The following DGKB variants were observed in gnomAD, a reference collection of about 807,000 sequenced individuals.
DGKB encodes 90 kDa diacylglycerol kinase.
Under a neutral mutation model 114.3 loss-of-function variants are expected in DGKB, and 67 were observed. The ratio of observed to expected loss-of-function variants is 0.59; its 90% confidence interval spans 0.48 to 0.72. The LOEUF (loss-of-function observed/expected upper bound fraction) is 0.72. Among genes scored for constraint, DGKB ranks in the 30% least tolerant of loss-of-function variants. DGKB has a pLI of 0.00. For missense variants in DGKB, 907 were observed against 975.2 expected (o/e 0.93, Z 0.93); for synonymous variants, 398 against 323.1 (o/e 1.23, Z -2.49).
chr7:14,663,036 G>C (rs1817438256), intron 13 of DGKB, among the ~76,000 whole-genome samples: 1 of 151,920 alleles, frequency 6.6e-6, no homozygotes, highest in African/African-American at 2.4e-5. Context: ...TAACTCATTT[G>C]ATTTTATTTA....
chr7:14,907,718 T>C (rs553014515), upstream of DGKB, among the ~76,000 whole-genome samples: 6 of 152,332 alleles, frequency 3.9e-5, no homozygotes, highest in African/African-American at 7.2e-5. Flanking sequence ...AGAATCTGAA[T>C]GATTCTTAGG....
chr7:14,842,366 T>C (rs545123215), intron 1 of DGKB, among the ~76,000 whole-genome samples: 1 of 152,324 alleles, frequency 6.6e-6, no homozygotes, highest in East Asian at 1.9e-4. Context: ...CCTGTCATCC[T>C]TGTCTTTAAA....
intron 20 of DGKB, among the ~76,000 whole-genome samples, chr7:14,551,787 T>G (rs1304108257): frequency 6.6e-6 from 1 of 152,176 alleles, no homozygotes; most frequent in Admixed American, 6.5e-5. Flanking sequence ...ACTGTTATAC[T>G]CAGTAAGAAA....
intron 23 of DGKB, among the ~76,000 whole-genome samples, chr7:14,275,155 C>A (rs1240650960): frequency 1.3e-5 from 2 of 152,120 alleles, no homozygotes; most frequent in African/African-American, 4.8e-5. Flanking sequence ...CTTGAATATA[C>A]TTAAGTTCTA....
intron 1 of DGKB, among the ~76,000 whole-genome samples, chr7:14,962,883 T>G (rs1358156276): frequency 6.6e-6 from 1 of 152,252 alleles, no homozygotes; most frequent in African/African-American, 2.4e-5. Flanking sequence ...AAAAATGAGC[T>G]TAGGCAAGAT....
intron 1 of DGKB, among the ~76,000 whole-genome samples, chr7:14,847,278 G>A (rs1461800503): frequency 7.7e-6 from 1 of 129,702 alleles, no homozygotes; most frequent in Non-Finnish European, 1.6e-5. Flanking sequence ...GCGACAGAGC[G>A]AGACTCCGTC....
chr7:14,515,682 C>T (rs1028514184), intron 20 of DGKB, among the ~76,000 whole-genome samples: 3 of 152,160 alleles, frequency 2.0e-5, no homozygotes, highest in African/African-American at 7.2e-5. Context: ...ACAAACTCAA[C>T]CTTCTGTCTT....
intron 13 of DGKB, among the ~76,000 whole-genome samples, chr7:14,651,480 G>C (rs1283940563): frequency 1.4e-5 from 2 of 145,194 alleles, no homozygotes; most frequent in Non-Finnish European, 3.0e-5. Flanking sequence ...AATAAATTAG[G>C]TATTGATGGG....
chr7:14,970,153 TATTTC>T (rs1317951188), intron 1 of DGKB, among the ~76,000 whole-genome samples: 1 of 152,196 alleles, frequency 6.6e-6, no homozygotes, highest in African/African-American at 2.4e-5. Context: ...AATCATTCAT[TATTTC>T]ATTTGCTGAA....
intron 1 of DGKB, among the ~76,000 whole-genome samples, chr7:14,896,557 T>C (rs190044820): frequency 1.3e-5 from 2 of 151,842 alleles, no homozygotes; most frequent in Admixed American, 1.3e-4. Context: ...ACTTTTTCTC[T>C]GAGACAATAT....
At chr7:14,497,994 T>C (rs1785551314) in intron 20 of DGKB, among the ~76,000 whole-genome samples, 1 of 151,932 alleles carries the variant, frequency 6.6e-6, no homozygotes, top group Non-Finnish European at 1.5e-5. Flanking sequence ...GCATTTAATA[T>C]ATTCTTATTT....
chr7:14,402,599 T>C (rs1823312322), intron 21 of DGKB, among the ~76,000 whole-genome samples: 1 of 151,888 alleles, frequency 6.6e-6, no homozygotes, highest in Non-Finnish European at 1.5e-5. Context: ...TATGTAAAAA[T>C]AGCTATCAAA....
rs565449422 is a variant in DGKB, at chr7:14,404,365, T to A, written c.1836-58974A>T. Among the ~76,000 whole-genome samples the A allele has an allele frequency of 4.6e-5, 7 of 151,972 alleles. No individual in the cohort carries two copies. The South Asian group carries it at 6.2e-4, about 14-fold the overall frequency. On this transcript the variant is annotated intron_variant, in intron 21 of 25. Transcript: ENST00000402815. ...TTTTATTGAATATTATGCTGTTACA[T>A]ACACACCTTTCCAACTCTCGTGGGA...
chr7:14,209,724 TA>T (rs1787448205), intron 23 of DGKB, among the ~76,000 whole-genome samples: 1 of 152,118 alleles, frequency 6.6e-6, no homozygotes, highest in Non-Finnish European at 1.5e-5. Context: ...ACTTCAGACA[TA>T]AGTTAATAAA....
intron 1 of DGKB, among the ~76,000 whole-genome samples, chr7:14,873,789 T>A (rs139704534): frequency 1.3e-5 from 2 of 152,112 alleles, no homozygotes; most frequent in Admixed American, 1.3e-4. Flanking sequence ...GCCAAAAGTC[T>A]GAATTAAGTG....
At chr7:14,572,829 T>C (rs1798593703) in intron 20 of DGKB, among the ~76,000 whole-genome samples, 1 of 152,330 alleles carries the variant, frequency 6.6e-6, no homozygotes, top group Non-Finnish European at 1.5e-5. Flanking sequence ...TGTGTGATTT[T>C]AAAAATTATT....
chr7:14,343,625 A>C (rs1381223940), intron 22 of DGKB, among the ~76,000 whole-genome samples: 1 of 151,610 alleles, frequency 6.6e-6, no homozygotes, highest in Non-Finnish European at 1.5e-5. Flanking sequence ...AGGGAGGTGC[A>C]GGAGGATTCA....
intron 23 of DGKB, among the ~76,000 whole-genome samples, chr7:14,282,912 A>C (rs1800215549): frequency 6.6e-6 from 1 of 152,064 alleles, no homozygotes; most frequent in Admixed American, 6.6e-5. Flanking sequence ...TATCATACTG[A>C]ATGGGCAAAA....
intron 23 of DGKB, among the ~76,000 whole-genome samples, chr7:14,315,094 T>C (rs902792102): frequency 1.9e-4 from 28 of 149,280 alleles, no homozygotes; most frequent in Non-Finnish European, 1.5e-5. Context: ...AGAGATTTTG[T>C]CACCACCAGG....
Sources: gnomAD v4.1 joint callset for allele counts (sites outside exome capture counted in the v4.1 genomes callset) on GRCh38, gnomAD v4.1.1 for gene constraint, MANE v1.5 for transcripts, NCBI Gene and HGNC (gene_info 2026-07-23, HGNC 2026-07-21) for gene names.